ADAM10: variants seen among roughly 807,000 people sequenced by gnomAD.
ADAM10 encodes the protein ADAM metallopeptidase domain 10.
A neutral mutation model predicts 90.1 loss-of-function variants in ADAM10; 17 were observed. The ratio of observed to expected loss-of-function variants is 0.19; its 90% CI spans 0.13 to 0.28. The LOEUF is 0.28. Ranked by LOEUF, ADAM10 falls within the 10% of genes least tolerant of loss-of-function variation. The pLI is 1.00. For missense variants in ADAM10, 610 were observed against 914.3 expected (o/e 0.67, Z 4.29); for synonymous variants, 310 against 298.6 (o/e 1.04, Z -0.40).
At chr15:58,664,491 C>G (rs759209808) in intron 5 of ADAM10, among the ~76,000 whole-genome samples, 12 of 152,064 alleles carry the variant, frequency 7.9e-5, no homozygotes, top group South Asian at 2.1e-4. Context: ...AAGAATAGAT[C>G]TGAATACAAA....
At position 58,638,679 on chromosome 15, in the gene ADAM10, T is replaced by C. The variant is rs1254073924; in HGVS notation, c.1012+2098A>G. 2.0e-5 allele frequency among the ~76,000 whole-genome samples: 3 copies of C among 148,288 alleles called. No homozygotes were observed. The East Asian group carries it at 6.0e-4, about 30-fold the overall frequency. On this transcript the variant is annotated intron_variant, in intron 8 of 15. Coordinates refer to ENST00000260408, the MANE Select transcript of ADAM10 (RefSeq NM_001110.4). ...CCCCACCATTTTCAATCCAGAACTC[T>C]CCCCACCTCAGGAAAATGAGCAGCA...
At chr15:58,737,996 C>G (rs1385610801) in intron 1 of ADAM10, among the ~76,000 whole-genome samples, 2 of 152,098 alleles carry the variant, frequency 1.3e-5, no homozygotes, top group East Asian at 1.9e-4. Context: ...AGAGGAAAAT[C>G]TGCAATAATG....
chr15:58,692,149 G>C (rs1897833956), intron 2 of ADAM10: 1 of 527,140 alleles, frequency 1.9e-6, no homozygotes, highest in African/African-American at 1.9e-5. Flanking sequence ...GATGGACACA[G>C]AGTTGTTCAT....
intron 1 of ADAM10, among the ~76,000 whole-genome samples, chr15:58,731,716 C>A (rs550446483): frequency 6.6e-6 from 1 of 152,160 alleles, no homozygotes; most frequent in Non-Finnish European, 1.5e-5. Flanking sequence ...TGACCCCACC[C>A]AAGGTAACTG....
chr15:58,632,843 T>C (rs752464997), intron 9 of ADAM10, among the ~76,000 whole-genome samples: 1 of 152,316 alleles, frequency 6.6e-6, no homozygotes, highest in Middle Eastern at 3.4e-3. Flanking sequence ...TTGCTGAACA[T>C]TCAAAATGTA....
chr15:58,624,607 C>T (rs1895882990), intron 10 of ADAM10, among the ~76,000 whole-genome samples: 1 of 152,194 alleles, frequency 6.6e-6, no homozygotes, highest in Non-Finnish European at 1.5e-5. Flanking sequence ...TCTTGGCTCA[C>T]TGCAACCTCC....
chr15:58,744,866 CAACAAA>C (rs1213534321), intron 1 of ADAM10, among the ~76,000 whole-genome samples: 3 of 152,078 alleles, frequency 2.0e-5, no homozygotes, highest in African/African-American at 7.2e-5. Flanking sequence ...ACAACAACAA[CAACAAA>C]AACACAAAAA....
At chr15:58,720,208 G>C (rs1208562324) in intron 1 of ADAM10, among the ~76,000 whole-genome samples, 7 of 151,972 alleles carry the variant, frequency 4.6e-5, no homozygotes, top group Non-Finnish European at 8.8e-5. Flanking sequence ...GGCATAAAAG[G>C]ACAATTCAAC....
intron 3 of ADAM10, 70 bp downstream of exon 3, chr15:58,682,126 C>T (rs1477507593): frequency 2.5e-6 from 4 of 1,590,398 alleles, no homozygotes; most frequent in East Asian, 2.3e-5. Flanking sequence ...TTTGCTTACA[C>T]TTCAAAATGA....
At position 58,597,325 on chromosome 15, in the gene ADAM10, T is replaced by C. The variant is rs1595977426; in HGVS notation, c.*222A>G. 4.1e-6 allele frequency: 6 copies of C among 1,475,466 alleles called. No individual in the cohort carries two copies. In the South Asian group the frequency reaches 6.5e-5, roughly 16 times the overall value. 91.4% of individuals were successfully genotyped at this position (1,475,466 alleles called of 1,614,324 possible). ...CCATTAAGTTAAAAATATCTGTTCATAAGAAAATTGGGTTCCTTTTCCACC... is the reference window on the plus strand; with the variant it reads ...CCATTAAGTTAAAAATATCTGTTCACAAGAAAATTGGGTTCCTTTTCCACC... On this transcript the variant is annotated 3_prime_UTR_variant, in exon 16 of 16. Transcript: ENST00000260408.
intron 8 of ADAM10, among the ~76,000 whole-genome samples, chr15:58,639,404 G>A (rs938283901): frequency 4.6e-5 from 7 of 152,276 alleles, no homozygotes; most frequent in African/African-American, 1.7e-4. Flanking sequence ...AATCATATGA[G>A]ACCCTGAGTT....
intron 14 of ADAM10, among the ~76,000 whole-genome samples, chr15:58,605,392 A>G (rs16940586): frequency 0.05 from 7,644 of 152,300 alleles, 657 homozygotes; most frequent in African/African-American, 0.17. Flanking sequence ...AAGAAAAACT[A>G]AACAAAATAA....
At chr15:58,712,239 G>C (rs1415727838) in intron 2 of ADAM10, among the ~76,000 whole-genome samples, 1 of 152,122 alleles carries the variant, frequency 6.6e-6, no homozygotes, top group East Asian at 1.9e-4. Context: ...GGAAATTATA[G>C]TATGCTAAAG....
At chr15:58,620,275 G>A (rs1222000263) in intron 11 of ADAM10, among the ~76,000 whole-genome samples, 1 of 151,946 alleles carries the variant, frequency 6.6e-6, no homozygotes, top group Non-Finnish European at 1.5e-5. Flanking sequence ...AGACCAACTT[G>A]GCCAACATAG....
chr15:58,606,901 G>A (rs532468474), intron 14 of ADAM10, among the ~76,000 whole-genome samples: 15 of 152,320 alleles, frequency 9.8e-5, no homozygotes, highest in African/African-American at 3.6e-4. Flanking sequence ...GAGGTTTTGT[G>A]GGGCCATACA....
intron 1 of ADAM10, among the ~76,000 whole-genome samples, chr15:58,720,394 A>AT (rs780860408): frequency 5.5e-5 from 8 of 145,798 alleles, no homozygotes; most frequent in East Asian, 2.0e-4. Context: ...ATTTTATTTT[A>AT]TTTTATTTTA....
intron 1 of ADAM10, 125 bp downstream of exon 1, chr15:58,749,355 G>A: frequency 8.5e-7 from 1 of 1,176,804 alleles, no homozygotes; most frequent in Non-Finnish European, 1.1e-6. Context: ...CGGCCCGCCA[G>A]AGTGGCGCCG....
intron 9 of ADAM10, 97 bp from the exon 10 acceptor site, chr15:58,627,980 A>C (rs1895994401): frequency 8.2e-7 from 1 of 1,222,626 alleles, no homozygotes; most frequent in Non-Finnish European, 1.2e-6. Flanking sequence ...AAACAATGGA[A>C]GCTTGTGGAC....
At chr15:58,739,801 A>G (rs1478459302) in intron 1 of ADAM10, among the ~76,000 whole-genome samples, 2 of 152,240 alleles carry the variant, frequency 1.3e-5, no homozygotes, top group Non-Finnish European at 2.9e-5. Context: ...AATCATTATG[A>G]CATTCAGTTT....
Sources: allele counts gnomAD v4.1 joint callset (sites outside exome capture counted in the v4.1 genomes callset), GRCh38; gene constraint gnomAD v4.1.1; transcripts MANE v1.5; gene names NCBI Gene and HGNC (gene_info 2026-07-23, HGNC 2026-07-21).